PKP4: variants seen among roughly 807,000 people sequenced by gnomAD.
The protein encoded by PKP4 is plakophilin 4.
In PKP4, 90 loss-of-function variants were observed where a neutral mutation model predicts 145.1. The observed-to-expected ratio is 0.62, with a 90% confidence interval of 0.52 to 0.74. PKP4 has a LOEUF of 0.74. Ranked by LOEUF, PKP4 falls within the 30% of genes least tolerant of loss-of-function variation. The pLI is 0.00. For missense variants in PKP4, 1,340 were observed against 1,482.7 expected (o/e 0.90, Z 1.58); for synonymous variants, 563 against 577.2 (o/e 0.98, Z 0.35).
chr2:158,525,698 G>C (rs1215288017), intron 1 of PKP4, among the ~76,000 whole-genome samples: 179 of 143,238 alleles, frequency 1.2e-3, no homozygotes, highest in African/African-American at 4.5e-3. Flanking sequence ...TCCAGGAGCT[G>C]GTTTTTTGAA....
intron 21 of PKP4, among the ~76,000 whole-genome samples, chr2:158,679,825 G>T (rs2058314349): frequency 6.6e-6 from 1 of 152,296 alleles, no homozygotes; most frequent in African/African-American, 2.4e-5. Flanking sequence ...CTATTCTTCT[G>T]CCTTGAGATT....
chr2:158,581,883 G>A (rs544830300), intron 3 of PKP4, among the ~76,000 whole-genome samples: 1 of 152,168 alleles, frequency 6.6e-6, no homozygotes, highest in Non-Finnish European at 1.5e-5. Flanking sequence ...TTTAGAATTA[G>A]TAGTCTTCCA....
rs112491928 is a variant in PKP4 at position 158,605,344 on chromosome 2, A to G, written c.280+2240A>G. On this transcript the variant is annotated intron_variant, in intron 4 of 21. Transcript: ENST00000389759. ...TTAGAAGGTATTAAAAGTATACCTA[A>G]TGAGTAAATGAGGTGAATATTTTCA... Among the ~76,000 whole-genome samples the G allele has an allele frequency of 2.0e-3, 304 of 152,332 alleles. 2 individuals carry two copies. The highest frequency in any genetic ancestry group is 7.0e-3 in the African/African-American group (291 of 41,574).
chr2:158,473,682 G>A (rs763915169), intron 1 of PKP4, among the ~76,000 whole-genome samples: 14 of 151,280 alleles, frequency 9.3e-5, no homozygotes, highest in East Asian at 1.9e-4. Context: ...GAGAGGGGGC[G>A]GAAAAGGTAA....
At chr2:158,478,471 CA>C (rs1164702440) in intron 1 of PKP4, among the ~76,000 whole-genome samples, 1 of 152,120 alleles carries the variant, frequency 6.6e-6, no homozygotes, top group Non-Finnish European at 1.5e-5. Context: ...CTGTCCTAAT[CA>C]AGATAAATGG....
At chr2:158,506,289 T>A (rs1481100135) in intron 1 of PKP4, among the ~76,000 whole-genome samples, 1 of 152,202 alleles carries the variant, frequency 6.6e-6, no homozygotes, top group East Asian at 1.9e-4. Flanking sequence ...GTTGAGGAGA[T>A]GAAGAAGGCC....
intron 1 of PKP4, among the ~76,000 whole-genome samples, chr2:158,493,409 G>A (rs747409388): frequency 5.3e-5 from 8 of 151,682 alleles, no homozygotes; most frequent in East Asian, 3.9e-4. Flanking sequence ...CCTTAACTTC[G>A]TTTTGATCTA....
chr2:158,643,712 C>CAAAAAAAAAAAAA (rs762303684), intron 11 of PKP4, among the ~76,000 whole-genome samples: 15 of 69,724 alleles, frequency 2.2e-4, no homozygotes, highest in Non-Finnish European at 3.6e-4. Context: ...GGCCCTGTTT[C>CAAAAAAAAAAAAA]AAAAAAAAAA....
chr2:158,594,557 A>G lies in PKP4; in HGVS notation c.246-8513A>G, dbSNP rs1262219304. On this transcript the variant is annotated intron_variant, in intron 3 of 21. Transcript: ENST00000389759. ...TCTGATGAAAAGCCAGGAAGAATTAATTAGTGGCCCTTTCTTGGGAAGAAA... is the reference window on the plus strand; with the variant it reads ...TCTGATGAAAAGCCAGGAAGAATTAGTTAGTGGCCCTTTCTTGGGAAGAAA... Among the ~76,000 whole-genome samples the G allele has an allele frequency of 2.0e-5, 3 of 152,188 alleles. 1 individual carries two copies. In the East Asian group the frequency reaches 5.8e-4, roughly 29 times the overall value.
At chr2:158,674,119 G>T in intron 19 of PKP4, 119 bp downstream of exon 19, 1 of 751,642 alleles carries the variant, frequency 1.3e-6, no homozygotes. Flanking sequence ...TACCCATGCA[G>T]CAGAGAACCT....
intron 6 of PKP4, among the ~76,000 whole-genome samples, chr2:158,624,341 AT>A (rs1350561175): frequency 6.6e-6 from 1 of 152,258 alleles, no homozygotes; most frequent in Non-Finnish European, 1.5e-5. Context: ...ATGAAAGAAC[AT>A]GTTCCTTTTG....
chr2:158,625,825 T>C (rs2052725499), intron 7 of PKP4, among the ~76,000 whole-genome samples: 1 of 152,192 alleles, frequency 6.6e-6, no homozygotes, highest in African/African-American at 2.4e-5. Context: ...GGTATCAGAA[T>C]ATCTGTTTAA....
At chr2:158,483,634 C>T (rs1693706270) in intron 1 of PKP4, among the ~76,000 whole-genome samples, 1 of 151,928 alleles carries the variant, frequency 6.6e-6, no homozygotes, top group Admixed American at 6.6e-5. Context: ...CTGGAAAAGT[C>T]ATTGTAGTGA....
intron 2 of PKP4, among the ~76,000 whole-genome samples, chr2:158,547,800 C>T (rs573691411): frequency 2.0e-5 from 3 of 152,142 alleles, no homozygotes; most frequent in Non-Finnish European, 4.4e-5. Flanking sequence ...TACAAAACTC[C>T]AGTATGCAGC....
chr2:158,634,032 A>T, intron 8 of PKP4, 38 bp from the exon 9 acceptor site: 1 of 1,137,258 alleles, frequency 8.8e-7, no homozygotes, highest in Non-Finnish European at 1.3e-6. Flanking sequence ...GATCTCATGG[A>T]GAACATACTA....
intron 2 of PKP4, among the ~76,000 whole-genome samples, chr2:158,543,888 C>T (rs574433777): frequency 6.6e-6 from 1 of 152,284 alleles, no homozygotes; most frequent in Admixed American, 6.5e-5. Flanking sequence ...TTAGTGTTCA[C>T]TGAGCACTTA....
intron 7 of PKP4, among the ~76,000 whole-genome samples, chr2:158,630,963 C>T (rs6729297): frequency 6.6e-6 from 1 of 151,890 alleles, no homozygotes; most frequent in African/African-American, 2.4e-5. Flanking sequence ...TTTGAGACGG[C>T]GTCTTGCTCT....
chr2:158,555,964 A>G (rs999575332), intron 2 of PKP4, among the ~76,000 whole-genome samples: 1 of 152,210 alleles, frequency 6.6e-6, no homozygotes, highest in African/African-American at 2.4e-5. Context: ...AAGATACTTT[A>G]AAACTCTTGA....
chr2:158,552,043 G>A (rs2105704966), intron 2 of PKP4, among the ~76,000 whole-genome samples: 1 of 152,330 alleles, frequency 6.6e-6, no homozygotes, highest in East Asian at 1.9e-4. Context: ...AAAATCATGA[G>A]ATGGGGAGAT....
Sources: gnomAD v4.1 joint callset for allele counts (sites outside exome capture counted in the v4.1 genomes callset) on GRCh38, gnomAD v4.1.1 for gene constraint, MANE v1.5 for transcripts, NCBI Gene and HGNC (gene_info 2026-07-23, HGNC 2026-07-21) for gene names.